Variants in ASAH1 observed in about 807,000 individuals in gnomAD.
ASAH1 encodes the protein acid ceramidase.
A neutral mutation model predicts 59.5 loss-of-function variants in ASAH1; 70 were observed. That is an observed-to-expected ratio of 1.18 (90% CI 0.97 to 1.43). ASAH1 has a LOEUF of 1.43. Ranked by LOEUF, ASAH1 falls within the 40% of genes most tolerant of loss-of-function variation. ASAH1 has a pLI of 0.00. For missense variants in ASAH1, 660 were observed against 482.5 expected, an observed-to-expected ratio of 1.37 and a Z score of -3.45; for synonymous variants, 213 against 166.5, an observed-to-expected ratio of 1.28 and a Z score of -2.15.
intron 3 of ASAH1, among the ~76,000 whole-genome samples, chr8:18,070,195 G>A (rs541589536): frequency 6.6e-6 from 1 of 152,050 alleles, no homozygotes; most frequent in Non-Finnish European, 1.5e-5. Flanking sequence ...TGTCGCCCAG[G>A]CCGGAGTGCA....
At chr8:18,084,453 C>T (rs1020109513), upstream of ASAH1, 50 of 1,347,176 alleles carry the variant, frequency 3.7e-5, no homozygotes, top group Non-Finnish European at 4.8e-5. Context: ...TGCAGCCTGT[C>T]CCGCGTACCC....
At position 18,058,888 on chromosome 8, in the gene ASAH1, T is replaced by TA. The variant is rs773907933; in HGVS notation, c.1044dup (p.Ile349TyrfsTer4). The TA allele has an allele frequency of 1.9e-6, 3 of 1,611,874 alleles. No homozygotes were observed. In the South Asian group the frequency reaches 3.3e-5, roughly 18 times the overall value. ...ACATCATACATGGTTTCAAATGAGATATTCTAAAACACAAGAAAATAGTTT... is the reference window on the plus strand; with the variant it reads ...ACATCATACATGGTTTCAAATGAGATAATTCTAAAACACAAGAAAATAGTTT... On this transcript the variant is annotated frameshift_variant, in exon 13 of 14. Transcript: ENST00000637790. LOFTEE classifies it high-confidence loss of function.
intron 5 of ASAH1, chr8:18,066,723 G>A (rs1799943434): frequency 6.5e-6 from 1 of 155,020 alleles, no homozygotes; most frequent in Non-Finnish European, 1.4e-5. Context: ...TCACTTCCTA[G>A]GTATATATCC....
intron 1 of ASAH1, among the ~76,000 whole-genome samples, chr8:18,080,854 G>A (rs1303826253): frequency 6.6e-6 from 1 of 152,144 alleles, no homozygotes; most frequent in East Asian, 1.9e-4. Context: ...CACCGCGCCC[G>A]GCCTGTCCTG....
intron 1 of ASAH1, chr8:18,076,246 A>G (rs576636629): frequency 1.2e-4 from 18 of 155,080 alleles, no homozygotes; most frequent in Middle Eastern, 3.4e-3. Flanking sequence ...GTCTTCATCT[A>G]TCTTCCATAT....
chr8:18,082,193 C>T (rs767772011), intron 1 of ASAH1, among the ~76,000 whole-genome samples: 1 of 152,210 alleles, frequency 6.6e-6, no homozygotes, highest in Non-Finnish European at 1.5e-5. Flanking sequence ...TTGATAATCG[C>T]TGTTCTAGAT....
At chr8:18,066,422 C>CAAAAAAAAAAAAAAAAAAAAAAAAAA (rs35999931) in intron 5 of ASAH1, 1 of 127,338 alleles carries the variant, frequency 7.9e-6, no homozygotes. Context: ...CAAAGAAAAC[C>CAAAAAAAAAAAAAAAAAAAAAAAAAA]AAAAAAAAAA....
chr8:18,081,994 A>T (rs1196852332), intron 1 of ASAH1, among the ~76,000 whole-genome samples: 2 of 152,250 alleles, frequency 1.3e-5, no homozygotes, highest in African/African-American at 4.8e-5. Flanking sequence ...AATTCCATGC[A>T]CATAACATCT....
At chr8:18,064,098 G>A in intron 6 of ASAH1, 1 of 403,568 alleles carries the variant, frequency 2.5e-6, no homozygotes, top group Non-Finnish European at 4.4e-6. Context: ...TGGGCCTCAA[G>A]AAAAGGACAG....
chr8:18,075,309 C>A (rs987418426), intron 2 of ASAH1, among the ~76,000 whole-genome samples: 6 of 152,112 alleles, frequency 3.9e-5, no homozygotes, highest in African/African-American at 1.4e-4. Context: ...CCTTTTCTTT[C>A]CGATGATTTT....
chr8:18,084,313 T>A, upstream of ASAH1: 1 of 1,426,968 alleles, frequency 7.0e-7, no homozygotes, highest in Non-Finnish European at 9.1e-7. Context: ...GCGATCGCCT[T>A]TGGCGCGTGG....
At chr8:18,083,809 G>C in intron 1 of ASAH1, 172 bp downstream of exon 1, 2 of 1,360,612 alleles carry the variant, frequency 1.5e-6, no homozygotes, top group Non-Finnish European at 2.0e-6. Flanking sequence ...CCGAGGACGG[G>C]GTTCGCCAGC....
intron 5 of ASAH1, chr8:18,065,820 AACTT>A (rs1167042740): frequency 6.6e-6 from 1 of 152,022 alleles, no homozygotes; most frequent in African/African-American, 2.4e-5. Context: ...ATGTAAATGA[AACTT>A]AATTCCCCAA....
intron 9 of ASAH1, 66 bp downstream of exon 9, chr8:18,061,620 C>T (rs1799703505): frequency 6.5e-7 from 1 of 1,534,106 alleles, no homozygotes; most frequent in East Asian, 2.4e-5. Context: ...AACCAGAAGG[C>T]ACAGTCCAGC....
chr8:18,079,946 G>C (rs966242436), intron 1 of ASAH1, among the ~76,000 whole-genome samples: 11 of 152,190 alleles, frequency 7.2e-5, no homozygotes, highest in African/African-American at 2.7e-4. Context: ...TTAGGTCAAA[G>C]GAATGTGAAT....
intron 1 of ASAH1, among the ~76,000 whole-genome samples, chr8:18,079,450 A>C (rs1002304274): frequency 8.7e-5 from 11 of 127,096 alleles, no homozygotes; most frequent in South Asian, 2.6e-4. Context: ...TAAAAAAAAC[A>C]CAAAAATATA....
At chr8:18,083,896 T>C in intron 1 of ASAH1, 85 bp downstream of exon 1, 4 of 1,539,086 alleles carry the variant, frequency 2.6e-6, no homozygotes, top group Admixed American at 3.9e-5. Context: ...GTGTTCCTTG[T>C]ACCCGCTCGC....
In ASAH1 at chr8:18,067,294, C is replaced by T. The variant is rs144169068; in HGVS notation, c.308G>A (p.Gly103Asp). 1.1e-5 allele frequency: 18 copies of T among 1,586,982 alleles called. No homozygotes were observed. The highest frequency in any genetic ancestry group is 1.7e-5 in the Admixed American group (1 of 58,620). The change falls in exon 5 of 14, where the codon GGC (glycine) becomes GAC (aspartate). Residue 103 changes from glycine to aspartate, a missense_variant. Coordinates refer to ENST00000637790, the MANE Select transcript of ASAH1 (RefSeq NM_177924.5). ...AGGGCCAGGAAAGTTGCCAAGTAGG[C>T]CAGGCTGGAAAACAAATATATTAAT... ...IMQVVDEKLP[G>D]LLGNFPGPFE...
chr8:18,079,459 T>C (rs1800557738), intron 1 of ASAH1, among the ~76,000 whole-genome samples: 1 of 115,052 alleles, frequency 8.7e-6, no homozygotes, highest in Non-Finnish European at 2.0e-5. Flanking sequence ...CACAAAAATA[T>C]AAAGAGAACA....
Sources: allele counts gnomAD v4.1 joint callset (sites outside exome capture counted in the v4.1 genomes callset), GRCh38; gene constraint gnomAD v4.1.1; transcripts MANE v1.5; gene names NCBI Gene and HGNC (gene_info 2026-07-23, HGNC 2026-07-21).